The following IGSF11 variants were observed in gnomAD, a reference collection of about 807,000 sequenced individuals.
The protein encoded by IGSF11 is CXADR like 1.
IGSF11 carries 22 observed loss-of-function variants against 41.0 expected under a neutral mutation model. The ratio of observed to expected loss-of-function variants is 0.54; its 90% confidence interval spans 0.38 to 0.77. IGSF11 has a LOEUF of 0.77. Ranked by LOEUF, IGSF11 falls within the 30% of genes least tolerant of loss-of-function variation. The pLI is 0.00. For synonymous variants in IGSF11, 219 were observed against 201.3 expected (o/e 1.09, Z -0.74); for missense variants, 444 against 530.8 (o/e 0.84, Z 1.61).
At chr3:119,079,680 T>C (rs753034249) in intron 1 of IGSF11, among the ~76,000 whole-genome samples, 1 of 152,190 alleles carries the variant, frequency 6.6e-6, no homozygotes, top group African/African-American at 2.4e-5. Context: ...GATGCATATA[T>C]ACCATGGAAT....
intron 1 of IGSF11, among the ~76,000 whole-genome samples, chr3:119,084,433 G>A (rs1056041281): frequency 1.3e-5 from 2 of 152,124 alleles, no homozygotes; most frequent in African/African-American, 4.8e-5. Context: ...ATCCCCCATA[G>A]ATGCTTGAGC....
At chr3:119,108,003 G>A (rs1161788511), upstream of IGSF11, among the ~76,000 whole-genome samples, 1 of 151,306 alleles carries the variant, frequency 6.6e-6, no homozygotes, top group African/African-American at 2.4e-5. Context: ...TTGTAGTATA[G>A]TTTGAAGTCA....
chr3:119,007,323 C>G (rs6438480), intron 1 of IGSF11, among the ~76,000 whole-genome samples: 1 of 133,274 alleles, frequency 7.5e-6, no homozygotes, highest in Admixed American at 7.4e-5. Context: ...TGCTTCGGCT[C>G]GCGCACGGTG....
At chr3:119,056,207 A>G (rs1295083448) in intron 1 of IGSF11, among the ~76,000 whole-genome samples, 1 of 152,206 alleles carries the variant, frequency 6.6e-6, no homozygotes, top group African/African-American at 2.4e-5. Flanking sequence ...AAGATCAACA[A>G]AATTGATAGA....
intron 1 of IGSF11, among the ~76,000 whole-genome samples, chr3:119,006,309 C>T (rs933875906): frequency 9.7e-6 from 1 of 103,226 alleles, no homozygotes; most frequent in Admixed American, 1.0e-4. Context: ...TGGTTTTCAG[C>T]TCCATCAGCT....
intron 1 of IGSF11, among the ~76,000 whole-genome samples, chr3:119,044,538 T>G (rs1576720042): frequency 6.6e-6 from 1 of 152,224 alleles, no homozygotes; most frequent in Middle Eastern, 3.4e-3. Context: ...ATCCAGATAT[T>G]CAAATATAAG....
At chr3:118,993,132 G>A (rs1559755881) in intron 1 of IGSF11, among the ~76,000 whole-genome samples, 1 of 152,180 alleles carries the variant, frequency 6.6e-6, no homozygotes, top group East Asian at 1.9e-4. Context: ...GTAGGCTGAT[G>A]TGGGAGGATC....
At chr3:118,941,916 A>G (rs990116725) in intron 1 of IGSF11, among the ~76,000 whole-genome samples, 1 of 152,228 alleles carries the variant, frequency 6.6e-6, no homozygotes, top group African/African-American at 2.4e-5. Context: ...CTACGGAGAA[A>G]GCAAAACTAT....
chr3:119,077,163 T>A (rs957654999), intron 1 of IGSF11, among the ~76,000 whole-genome samples: 2 of 150,384 alleles, frequency 1.3e-5, no homozygotes, highest in East Asian at 2.0e-4. Context: ...CAAACTATCA[T>A]AAGAACAAAA....
chr3:119,001,149 T>C (rs564271824), intron 1 of IGSF11, among the ~76,000 whole-genome samples: 3 of 151,838 alleles, frequency 2.0e-5, no homozygotes, highest in East Asian at 3.9e-4. Flanking sequence ...CCTATATCCT[T>C]CAATTGGCAC....
At chr3:119,052,431 C>CAGGAAGGGAGGGAGGG (rs1941662726) in intron 1 of IGSF11, among the ~76,000 whole-genome samples, 1 of 114,396 alleles carries the variant, frequency 8.7e-6, no homozygotes, top group African/African-American at 3.4e-5. Flanking sequence ...AGCAAGCAAA[C>CAGGAAGGGAGGGAGGG]AGGAAGGGAG....
intron 1 of IGSF11, among the ~76,000 whole-genome samples, chr3:119,046,778 T>A (rs550789705): frequency 6.6e-6 from 1 of 152,046 alleles, no homozygotes; most frequent in East Asian, 1.9e-4. Context: ...GGGAAGCCCA[T>A]CAGACTAACA....
At chr3:119,079,346 G>A (rs2076552285) in intron 1 of IGSF11, among the ~76,000 whole-genome samples, 1 of 151,652 alleles carries the variant, frequency 6.6e-6, no homozygotes, top group African/African-American at 2.4e-5. Flanking sequence ...TGTGACAGGA[G>A]TGAAACTCCG....
intron 1 of IGSF11, among the ~76,000 whole-genome samples, chr3:119,059,210 A>ACACAC (rs1559843289): frequency 2.4e-4 from 34 of 143,324 alleles, no homozygotes; most frequent in African/African-American, 8.6e-4. Context: ...CACACACACC[A>ACACAC]CACCATGGAA....
chr3:119,120,491 G>A (rs2077317615), intron 1 of IGSF11, among the ~76,000 whole-genome samples: 1 of 152,224 alleles, frequency 6.6e-6, no homozygotes, highest in African/African-American at 2.4e-5. Context: ...TCCTCATGCT[G>A]AGAAAGCAAG....
intron 1 of IGSF11, among the ~76,000 whole-genome samples, chr3:118,934,731 A>C (rs1943112719): frequency 6.6e-6 from 1 of 152,150 alleles, no homozygotes; most frequent in Non-Finnish European, 1.5e-5. Context: ...ATGGTTGTGA[A>C]TGGCTCGAAC....
At chr3:119,053,943 C>T (rs1214142224) in intron 1 of IGSF11, among the ~76,000 whole-genome samples, 2 of 152,102 alleles carry the variant, frequency 1.3e-5, no homozygotes, top group African/African-American at 2.4e-5. Flanking sequence ...ACAAATGGTG[C>T]TGGGATAAAT....
upstream of IGSF11, among the ~76,000 whole-genome samples, chr3:119,109,292 T>C (rs1457043557): frequency 6.6e-6 from 1 of 151,322 alleles, no homozygotes; most frequent in Non-Finnish European, 1.5e-5. Flanking sequence ...ATTCAGAGAT[T>C]CAACTTCTTC....
At chr3:119,112,148 T>C (rs1307171992) in intron 1 of IGSF11, among the ~76,000 whole-genome samples, 3 of 152,248 alleles carry the variant, frequency 2.0e-5, no homozygotes, top group African/African-American at 7.2e-5. Flanking sequence ...CATTTAAGAC[T>C]GCAGAGGCTA....
Sources: gnomAD v4.1 joint callset for allele counts (sites outside exome capture counted in the v4.1 genomes callset) on GRCh38, gnomAD v4.1.1 for gene constraint, MANE v1.5 for transcripts, NCBI Gene and HGNC (gene_info 2026-07-23, HGNC 2026-07-21) for gene names.